Variants in IFT80 observed in about 807,000 individuals in gnomAD.
The protein encoded by IFT80 is intraflagellar transport 80, also known as intraflagellar transport protein 80 homolog.
IFT80 carries 79 observed loss-of-function variants against 107.9 expected under a neutral mutation model. The ratio of observed to expected loss-of-function variants is 0.73; its 90% CI spans 0.61 to 0.88. The LOEUF is 0.88. IFT80 is among the 40% of genes least tolerant of loss of function. IFT80 has a pLI of 0.00. For missense variants in IFT80, 797 were observed against 914.2 expected (o/e 0.87, Z 1.65); for synonymous variants, 299 against 300.9 (o/e 0.99, Z 0.07).
chr3:160,391,128 C>T (rs1263065074), intron 1 of IFT80, among the ~76,000 whole-genome samples: 2 of 152,164 alleles, frequency 1.3e-5, no homozygotes, highest in Admixed American at 6.5e-5. Flanking sequence ...AGCCCTGCTC[C>T]GCAAGGAACA....
chr3:160,267,987 G>A (rs1035681816), intron 19 of IFT80, among the ~76,000 whole-genome samples: 7 of 152,140 alleles, frequency 4.6e-5, no homozygotes, highest in African/African-American at 7.2e-5. Context: ...CTTCTAGGAG[G>A]TGCAACCTAG....
Position 160,282,482 on chromosome 3 carries a change from C to A in IFT80, c.1512G>T (p.Lys504Asn), listed in dbSNP as rs772287249. The change falls in exon 14 of 20, where the codon AAG becomes AAT. Residue 504 changes from lysine (K) to asparagine (N), a missense_variant. Transcript: ENST00000326448. Reference protein sequence around the residue: ...KRFGKEEQIIKLGTMVHTLAW... With the variant: ...KRFGKEEQIINLGTMVHTLAW... ...AATGTATTAAAATTATTTTACCAAG[C>A]TTGATAATTTGTTCTTCCTTCCCAA... 4.4e-6 allele frequency: 7 copies of A among 1,581,158 alleles called. No individual in the cohort carries two copies. Among genetic ancestry groups the A allele is most frequent in the East Asian group, 2.2e-5 (1 of 44,500 alleles).
intron 11 of IFT80, among the ~76,000 whole-genome samples, chr3:160,303,577 T>C (rs1192863914): frequency 2.6e-5 from 4 of 152,190 alleles, no homozygotes; most frequent in African/African-American, 9.7e-5. Flanking sequence ...ATGTCATTAC[T>C]CTGATGTTTA....
At chr3:160,351,733 A>G (rs938116090) in intron 8 of IFT80, among the ~76,000 whole-genome samples, 3 of 141,704 alleles carry the variant, frequency 2.1e-5, no homozygotes, top group Non-Finnish European at 4.5e-5. Context: ...AATCTAAATG[A>G]TAACTGTATA....
At chr3:160,339,164 G>T (rs1249942840) in intron 8 of IFT80, among the ~76,000 whole-genome samples, 1 of 152,144 alleles carries the variant, frequency 6.6e-6, no homozygotes, top group Non-Finnish European at 1.5e-5. Flanking sequence ...GTACACATAA[G>T]ATACTGTATG....
intron 8 of IFT80, among the ~76,000 whole-genome samples, chr3:160,338,814 T>G (rs1719676630): frequency 6.6e-6 from 1 of 152,212 alleles, no homozygotes; most frequent in Admixed American, 6.5e-5. Context: ...CCTTTCTAAA[T>G]GCTGCTTCTT....
chr3:160,359,558 C>A (rs1721346578), intron 6 of IFT80, among the ~76,000 whole-genome samples: 1 of 152,208 alleles, frequency 6.6e-6, no homozygotes, highest in Admixed American at 6.5e-5. Flanking sequence ...CCCCGTGTAG[C>A]CTAACTGGGA....
At chr3:160,318,494 C>T (rs947952060) in intron 9 of IFT80, among the ~76,000 whole-genome samples, 2 of 151,984 alleles carry the variant, frequency 1.3e-5, no homozygotes, top group African/African-American at 2.4e-5. Flanking sequence ...GTACTTTGAT[C>T]TTCTCCTTGT....
chr3:160,301,949 A>G (rs2108268544), intron 11 of IFT80, among the ~76,000 whole-genome samples: 1 of 152,054 alleles, frequency 6.6e-6, no homozygotes, highest in Non-Finnish European at 1.5e-5. Context: ...ATATATCTCC[A>G]TATGTCTGCC....
intron 8 of IFT80, chr3:160,343,780 T>A (rs182496398): frequency 1.9e-4 from 66 of 355,664 alleles, no homozygotes; most frequent in African/African-American, 1.4e-3. Context: ...ATGTTACTTT[T>A]GCTTGTTTAT....
chr3:160,262,718 G>A (rs1712956875), intron 19 of IFT80, among the ~76,000 whole-genome samples: 1 of 152,132 alleles, frequency 6.6e-6, no homozygotes, highest in African/African-American at 2.4e-5. Flanking sequence ...TTGTCTTTAG[G>A]AGGAAAAGGG....
chr3:160,269,435 G>T (rs1713630722), intron 18 of IFT80, among the ~76,000 whole-genome samples: 1 of 152,086 alleles, frequency 6.6e-6, no homozygotes, highest in South Asian at 2.1e-4. Flanking sequence ...CTGAGAAAAT[G>T]CCTTTTGCCA....
At chr3:160,272,914 C>T (rs1420294689) in intron 18 of IFT80, among the ~76,000 whole-genome samples, 1 of 152,156 alleles carries the variant, frequency 6.6e-6, no homozygotes, top group African/African-American at 2.4e-5. Flanking sequence ...TGGGCCTTCC[C>T]TGCAGCTAAA....
At chr3:160,356,312 C>T (rs1052862486) in intron 7 of IFT80, among the ~76,000 whole-genome samples, 162 bp from the exon 8 acceptor site, 1 of 152,056 alleles carries the variant, frequency 6.6e-6, no homozygotes, top group African/African-American at 2.4e-5. Flanking sequence ...GAAATCAGCA[C>T]CTTATATATT....
chr3:160,259,544 T>A (rs749004154), intron 19 of IFT80, among the ~76,000 whole-genome samples: 9 of 152,164 alleles, frequency 5.9e-5, no homozygotes, highest in Non-Finnish European at 1.2e-4. Flanking sequence ...GAGGAAAAGA[T>A]GTTAGAGAAA....
At chr3:160,375,273 T>C (rs1478480492) in intron 5 of IFT80, among the ~76,000 whole-genome samples, 1 of 152,174 alleles carries the variant, frequency 6.6e-6, no homozygotes, top group Non-Finnish European at 1.5e-5. Context: ...GGATTGACTT[T>C]ATGGCCACTC....
At chr3:160,339,043 C>T (rs1051041487) in intron 8 of IFT80, among the ~76,000 whole-genome samples, 1 of 152,178 alleles carries the variant, frequency 6.6e-6, no homozygotes, top group Non-Finnish European at 1.5e-5. Flanking sequence ...TGTCTTGGAA[C>T]TCCAGCTTAC....
chr3:160,263,582 A>G (rs1713037539), intron 19 of IFT80, among the ~76,000 whole-genome samples: 1 of 152,116 alleles, frequency 6.6e-6, no homozygotes. Context: ...ATCTCCTTCA[A>G]GTGACTGGCA....
intron 12 of IFT80, among the ~76,000 whole-genome samples, chr3:160,286,393 T>C (rs753102860): frequency 6.6e-6 from 1 of 152,216 alleles, no homozygotes; most frequent in South Asian, 2.1e-4. Flanking sequence ...GAAATGGAGA[T>C]GGGGAAGTGT....
Sources: gnomAD v4.1 joint callset for allele counts (sites outside exome capture counted in the v4.1 genomes callset) on GRCh38, gnomAD v4.1.1 for gene constraint, MANE v1.5 for transcripts, NCBI Gene and HGNC (gene_info 2026-07-23, HGNC 2026-07-21) for gene names.